Variants in CYP3A4 observed in about 807,000 individuals in gnomAD.
The protein encoded by CYP3A4 is cytochrome P450 family 3 subfamily A member 4.
CYP3A4 carries 41 observed loss-of-function variants against 54.9 expected under a neutral mutation model. The observed-to-expected ratio is 0.75, with a 90% CI of 0.58 to 0.97. CYP3A4 has a LOEUF of 0.97. Among genes scored for constraint, CYP3A4 ranks in the 50% least tolerant of loss-of-function variants. CYP3A4 has a pLI of 0.00. For missense variants in CYP3A4, 510 were observed against 597.3 expected (o/e 0.85, Z 1.52); for synonymous variants, 179 against 205.2 (o/e 0.87, Z 1.09).
intron 9 of CYP3A4, among the ~76,000 whole-genome samples, chr7:99,764,886 T>A (rs2687119): frequency 6.6e-6 from 1 of 152,366 alleles, no homozygotes. Context: ...CTCTTGATTT[T>A]TCTCCTGAGA....
intron 3 of CYP3A4, among the ~76,000 whole-genome samples, chr7:99,776,082 CAT>C (rs1193882225): frequency 7.2e-5 from 11 of 152,174 alleles, no homozygotes; most frequent in Non-Finnish European, 8.8e-5. Flanking sequence ...AGCCAACAGA[CAT>C]GTGAAAAAAT....
At chr7:99,769,744 C>G in intron 6 of CYP3A4, 24 bp downstream of exon 6, 1 of 1,613,170 alleles carries the variant, frequency 6.2e-7, no homozygotes, top group Non-Finnish European at 8.5e-7. Context: ...CAGCTCAGAA[C>G]CCCATGGCTG....
intron 1 of CYP3A4, among the ~76,000 whole-genome samples, chr7:99,783,368 C>T (rs1164088310): frequency 6.6e-6 from 1 of 152,226 alleles, no homozygotes; most frequent in Non-Finnish European, 1.5e-5. Context: ...TAAGGAGAAG[C>T]CAGGTTTCCA....
intron 3 of CYP3A4, among the ~76,000 whole-genome samples, chr7:99,773,945 T>C (rs1323685967): frequency 6.6e-6 from 1 of 151,880 alleles, no homozygotes; most frequent in Admixed American, 6.6e-5. Flanking sequence ...ATAGATAGAC[T>C]GCTAGCAAGA....
chr7:99,778,059 C>A lies in CYP3A4; in HGVS notation c.187G>T (p.Glu63Ter), dbSNP rs752813465. 1 of 1,612,692 alleles carries A rather than the reference C, an allele frequency of 6.2e-7. No individual in the cohort carries two copies. Among genetic ancestry groups the A allele is most frequent in the South Asian group, 1.1e-5 (1 of 90,958 alleles). Residue 63 changes from glutamate to a stop codon, truncating the protein, a stop_gained, in exon 3 of 13, where the codon GAA becomes TAA. Coordinates refer to ENST00000651514, the MANE Select transcript of CYP3A4 (RefSeq NM_017460.6). LOFTEE classifies it high-confidence loss of function. The part of the protein sequence containing the change: ...YHKGFCMFDM[E>*]CHKKYGKVWG... ...ACTTTTCCATACTTTTTATGACATT[C>A]CATGTCAAACATACAAAAGCCCTGG...
intron 3 of CYP3A4, among the ~76,000 whole-genome samples, chr7:99,774,185 T>C (rs1234312028): frequency 2.0e-5 from 3 of 152,138 alleles, no homozygotes; most frequent in Non-Finnish European, 4.4e-5. Context: ...AGGTTTTGAA[T>C]TGAGGCAATT....
In CYP3A4 at chr7:99,758,305, C is replaced by T. The variant is rs1008094465; in HGVS notation, c.1417-77G>A. On this transcript the variant is annotated intron_variant, in intron 12 of 12. Coordinates refer to ENST00000651514, the MANE Select transcript of CYP3A4 (RefSeq NM_017460.6). ...AAGTATAGCATCAAAGTGAGTGAGA[C>T]ACTCCTTCAGTGTTGAGGGGACACA... 2.6e-6 allele frequency: 4 copies of T among 1,513,418 alleles called. No homozygotes were observed. The African/African-American group carries it at 4.1e-5, about 16-fold the overall frequency. The allele number at this position is 1,513,418 out of a possible 1,614,324, so 93.7% of individuals were successfully genotyped here.
chr7:99,773,835 A>ATAG (rs1183398564), intron 3 of CYP3A4, among the ~76,000 whole-genome samples: 2 of 152,226 alleles, frequency 1.3e-5, no homozygotes, highest in Non-Finnish European at 2.9e-5. Context: ...GAGACAAGAA[A>ATAG]TAACTAAGAT....
At chr7:99,771,204 CAAT>C (rs1266835602) in intron 4 of CYP3A4, among the ~76,000 whole-genome samples, 1 of 152,120 alleles carries the variant, frequency 6.6e-6, no homozygotes, top group African/African-American at 2.4e-5. Context: ...ACATAACTGA[CAAT>C]GTGTAAAATC....
chr7:99,766,321 A>G (rs1815475642), intron 9 of CYP3A4, 56 bp downstream of exon 9: 2 of 1,588,580 alleles, frequency 1.3e-6, no homozygotes, highest in Admixed American at 1.7e-5. Flanking sequence ...ACATTTTCAG[A>G]ACAAGGCCTT....
chr7:99,769,973 GT>G, intron 5 of CYP3A4, 117 bp from the exon 6 acceptor site: 1 of 1,571,728 alleles, frequency 6.4e-7, no homozygotes, highest in South Asian at 1.1e-5. Flanking sequence ...TTTGTGATGT[GT>G]TTTCTGTACA....
rs921777758 is a variant in CYP3A4 at position 99,761,938 on chromosome 7, C to T, written c.1253+103G>A. 7 of 1,043,046 alleles carry T rather than the reference C, an allele frequency of 6.7e-6. No individual in the cohort carries two copies. In the African/African-American group the frequency reaches 8.0e-5, roughly 12 times the overall value. 64.6% of individuals were successfully genotyped at this position (1,043,046 alleles called of 1,614,324 possible). On this transcript the variant is annotated intron_variant, in intron 11 of 12. Coordinates refer to ENST00000651514, the MANE Select transcript of CYP3A4 (RefSeq NM_017460.6). ...AAATCTCTAAATATAAAAATACAAG[C>T]AAATAATTATACAACCACATGACTG...
chr7:99,761,008 A>G (rs781398947), intron 11 of CYP3A4, 27 bp from the exon 12 acceptor site: 9 of 1,610,714 alleles, frequency 5.6e-6, no homozygotes, highest in Middle Eastern at 1.7e-4. Flanking sequence ...AGATTTTTAA[A>G]AAGTTAATGA....
chr7:99,769,292 G>C (rs1815566676), intron 6 of CYP3A4, among the ~76,000 whole-genome samples: 1 of 152,082 alleles, frequency 6.6e-6, no homozygotes, highest in African/African-American at 2.4e-5. Flanking sequence ...GGAGGAAAAA[G>C]AAATGGTAGG....
At chr7:99,766,663 C>T (rs1195307330) in intron 8 of CYP3A4, 4 of 583,206 alleles carry the variant, frequency 6.9e-6, no homozygotes, top group Non-Finnish European at 1.2e-5. Context: ...TGAGATGGCT[C>T]AAATTTAACA....
At chr7:99,780,152 A>G (rs766836872) in intron 1 of CYP3A4, 67 bp from the exon 2 acceptor site, 11 of 1,491,162 alleles carry the variant, frequency 7.4e-6, no homozygotes, top group Admixed American at 1.7e-5. Context: ...TTGATGAGTC[A>G]TTGACTGAGG....
chr7:99,775,497 T>C (rs902775642), intron 3 of CYP3A4, among the ~76,000 whole-genome samples: 23 of 152,064 alleles, frequency 1.5e-4, no homozygotes, highest in Admixed American at 6.6e-5. Context: ...AACAGAAATA[T>C]AGATCAATGG....
At chr7:99,773,700 T>A (rs1815689745) in intron 3 of CYP3A4, among the ~76,000 whole-genome samples, 1 of 152,176 alleles carries the variant, frequency 6.6e-6, no homozygotes, top group African/African-American at 2.4e-5. Context: ...TAAAGCAGTG[T>A]GTAGAGGGAA....
chr7:99,770,088 A>C, intron 5 of CYP3A4, 34 bp downstream of exon 5: 2 of 1,587,870 alleles, frequency 1.3e-6, no homozygotes, highest in South Asian at 2.2e-5. Flanking sequence ...TTCATTCTTT[A>C]AGTTTCTTAT....
Sources: gnomAD v4.1 joint callset for allele counts (sites outside exome capture counted in the v4.1 genomes callset) on GRCh38, gnomAD v4.1.1 for gene constraint, MANE v1.5 for transcripts, NCBI Gene and HGNC (gene_info 2026-07-23, HGNC 2026-07-21) for gene names.